OCIAD1: variants seen among roughly 807,000 people sequenced by gnomAD.
The protein encoded by OCIAD1 is OCIA domain containing 1, also known as OCIA domain-containing protein 1.
A neutral mutation model predicts 38.9 loss-of-function variants in OCIAD1; 29 were observed. That is an observed-to-expected ratio of 0.74 (90% CI 0.55 to 1.02). The LOEUF (loss-of-function observed/expected upper bound fraction) is 1.02. Ranked by LOEUF, OCIAD1 falls within the 50% of genes least tolerant of loss-of-function variation. The pLI, the probability that OCIAD1 is intolerant of heterozygous loss-of-function variation, is 0.00. For synonymous variants in OCIAD1, 110 were observed against 92.0 expected (o/e 1.20, Z -1.12); for missense variants, 288 against 289.6 (o/e 0.99, Z 0.04).
intron 1 of OCIAD1, among the ~76,000 whole-genome samples, chr4:48,806,624 T>C (rs1466709383): frequency 2.0e-5 from 3 of 152,194 alleles, no homozygotes; most frequent in Admixed American, 1.3e-4. Flanking sequence ...TTTCTTTTTT[T>C]GACATGGAGT....
chr4:48,819,740 A>AAAAAAAAAAAAAAG (rs1381189214), intron 1 of OCIAD1, among the ~76,000 whole-genome samples: 67 of 145,542 alleles, frequency 4.6e-4, no homozygotes, highest in Non-Finnish European at 8.2e-4. Flanking sequence ...AAAAAAAAAA[A>AAAAAAAAAAAAAAG]AAAAGGAGGG....
chr4:48,849,911 A>G (rs371601462), intron 5 of OCIAD1, 36 bp from the exon 6 acceptor site: 18 of 1,560,408 alleles, frequency 1.2e-5, no homozygotes, highest in Non-Finnish European at 1.1e-5. Flanking sequence ...TGAAAGGCAC[A>G]TTCAGTTACA....
upstream of OCIAD1, among the ~76,000 whole-genome samples, chr4:48,829,056 T>G (rs1291029467): frequency 6.6e-6 from 1 of 152,150 alleles, no homozygotes; most frequent in Non-Finnish European, 1.5e-5. Flanking sequence ...AGGCCAGGAA[T>G]TGGAGACCAG....
chr4:48,860,698 C>T (rs749439621), intron 8 of OCIAD1, 27 bp from the exon 9 acceptor site: 1 of 1,511,044 alleles, frequency 6.6e-7, no homozygotes, highest in Non-Finnish European at 9.2e-7. Flanking sequence ...TGCTTGGAAT[C>T]ATCAATTATT....
At chr4:48,837,620 G>T (rs1292422938) in intron 3 of OCIAD1, among the ~76,000 whole-genome samples, 1 of 150,492 alleles carries the variant, frequency 6.6e-6, no homozygotes, top group Non-Finnish European at 1.5e-5. Context: ...AGAGAACTTG[G>T]CTGTATACTC....
intron 3 of OCIAD1, among the ~76,000 whole-genome samples, chr4:48,834,577 G>T (rs1218703817): frequency 6.6e-6 from 1 of 152,168 alleles, no homozygotes; most frequent in Admixed American, 6.5e-5. Flanking sequence ...CAAGACCAGC[G>T]TGGGCAACAT....
upstream of OCIAD1, among the ~76,000 whole-genome samples, chr4:48,826,089 C>T (rs139821244): frequency 0.014 from 2,153 of 152,228 alleles, 31 homozygotes; most frequent in Non-Finnish European, 0.022. Context: ...CCGCCCATCT[C>T]AGCCTCCCGA....
rs759406531 is a variant in OCIAD1 at position 48,810,888 on chromosome 4, TTCTTTC to T, written c.-103+5560_-103+5565del. Among the ~76,000 whole-genome samples, 458 of 124,632 alleles carry T rather than the reference TTCTTTC, an allele frequency of 3.7e-3. 1 individual carries two copies. The highest frequency in any genetic ancestry group is 0.012 in the Middle Eastern group (3 of 246). 81.8% of individuals were successfully genotyped at this position (124,632 alleles called of 152,430 possible). ...AGTTGCAATTTTCTTTTTTCTTTCTTTCTTTCTTTTTTTTTTTTTTTTTTTGAGACG... is the reference window on the plus strand; with the variant it reads ...AGTTGCAATTTTCTTTTTTCTTTCTTTTTTTTTTTTTTTTTTTTTGAGACG... On this transcript the variant is annotated intron_variant, in intron 1 of 6. Coordinates refer to the OCIAD1 transcript ENST00000504654.
intron 7 of OCIAD1, among the ~76,000 whole-genome samples, chr4:48,854,776 C>G (rs1387737922): frequency 6.6e-6 from 1 of 152,182 alleles, no homozygotes; most frequent in Non-Finnish European, 1.5e-5. Context: ...TTGCTTTGCC[C>G]CAGATGCTAT....
At chr4:48,825,637 C>G (rs1201647185) in intron 1 of OCIAD1, among the ~76,000 whole-genome samples, 1 of 152,182 alleles carries the variant, frequency 6.6e-6, no homozygotes, top group Non-Finnish European at 1.5e-5. Flanking sequence ...TGCCCACAGA[C>G]TGCTGCAAAG....
intron 1 of OCIAD1, among the ~76,000 whole-genome samples, chr4:48,813,389 C>T (rs1211467483): frequency 3.9e-5 from 6 of 152,318 alleles, no homozygotes; most frequent in South Asian, 2.1e-4. Flanking sequence ...GGTGGTGGCT[C>T]ACGCCTGTAA....
At chr4:48,846,116 A>G (rs1778959868) in intron 4 of OCIAD1, among the ~76,000 whole-genome samples, 2 of 152,100 alleles carry the variant, frequency 1.3e-5, no homozygotes, top group Admixed American at 6.5e-5. Context: ...GTTTCCTGTT[A>G]ATATCCAGTA....
chr4:48,824,518 C>T (rs993981576), intron 1 of OCIAD1, among the ~76,000 whole-genome samples: 1 of 151,828 alleles, frequency 6.6e-6, no homozygotes, highest in Non-Finnish European at 1.5e-5. Flanking sequence ...GTAGCTAGGA[C>T]TACAGGCATG....
At chr4:48,834,788 G>GAA (rs1028596411) in intron 3 of OCIAD1, among the ~76,000 whole-genome samples, 3 of 151,794 alleles carry the variant, frequency 2.0e-5, no homozygotes, top group Admixed American at 2.0e-4. Context: ...TCAAAGAAAA[G>GAA]AAAAAAAGGG....
intron 7 of OCIAD1, among the ~76,000 whole-genome samples, chr4:48,854,776 C>T (rs1387737922): frequency 6.6e-6 from 1 of 152,300 alleles, no homozygotes; most frequent in East Asian, 1.9e-4. Context: ...TTGCTTTGCC[C>T]CAGATGCTAT....
In OCIAD1 at chr4:48,853,727, A is replaced by G. The variant is rs557154102; in HGVS notation, c.547+1752A>G. Reference sequence around the variant, plus strand: ...GCTTTGGTAGCATTTCACTTGCTCAATAGTCACATGTGCTAGTGGCTACCG... The same window carrying G: ...GCTTTGGTAGCATTTCACTTGCTCAGTAGTCACATGTGCTAGTGGCTACCG... On this transcript the variant is annotated intron_variant, in intron 7 of 8. Transcript: ENST00000264312. 3.4e-3 allele frequency among the ~76,000 whole-genome samples: 513 copies of G among 152,302 alleles called. 3 individuals carry two copies. Among genetic ancestry groups the G allele is most frequent in the South Asian group, 0.014 (68 of 4,824 alleles).
chr4:48,853,556 G>A (rs1779731569), intron 7 of OCIAD1, among the ~76,000 whole-genome samples: 1 of 152,166 alleles, frequency 6.6e-6, no homozygotes, highest in South Asian at 2.1e-4. Flanking sequence ...AGGGTATACA[G>A]TGGAAAGGGA....
At chr4:48,816,174 C>T (rs1331504719) in intron 1 of OCIAD1, among the ~76,000 whole-genome samples, 1 of 152,186 alleles carries the variant, frequency 6.6e-6, no homozygotes, top group African/African-American at 2.4e-5. Flanking sequence ...CTGTGCATTT[C>T]TCGCTCTCTC....
At chr4:48,823,210 A>G (rs919964570) in intron 1 of OCIAD1, among the ~76,000 whole-genome samples, 12 of 152,254 alleles carry the variant, frequency 7.9e-5, no homozygotes, top group Non-Finnish European at 1.3e-4. Flanking sequence ...CTATGGAGCC[A>G]TAAAAAAGAA....
Sources: allele counts gnomAD v4.1 joint callset (sites outside exome capture counted in the v4.1 genomes callset), GRCh38; gene constraint gnomAD v4.1.1; transcripts MANE v1.5; gene names NCBI Gene and HGNC (gene_info 2026-07-23, HGNC 2026-07-21).